The following TMEM117 variants were observed in gnomAD, a reference collection of about 807,000 sequenced individuals.
TMEM117 encodes transmembrane protein 117.
In TMEM117, 27 loss-of-function variants were observed where a neutral mutation model predicts 52.4. The ratio of observed to expected loss-of-function variants is 0.51; its 90% CI spans 0.38 to 0.71. The LOEUF (loss-of-function observed/expected upper bound fraction) is 0.71, where lower values mean the gene tolerates loss of function less well. TMEM117 is among the 30% of genes least tolerant of loss of function. The pLI, the probability that TMEM117 is intolerant of heterozygous loss-of-function variation, is 0.00. For synonymous variants in TMEM117, 215 were observed against 206.3 expected (o/e 1.04, Z -0.36); for missense variants, 556 against 630.5 (o/e 0.88, Z 1.26).
intron 5 of TMEM117, among the ~76,000 whole-genome samples, chr12:44,218,221 C>CAA (rs137994991): frequency 7.2e-6 from 1 of 139,340 alleles, no homozygotes. Context: ...AAGGCTCCGT[C>CAA]AAAAAAAACA....
rs1948761188 is a variant in TMEM117 at position 44,152,580 on chromosome 12, T to TG, written c.510+8956_510+8957insG. On this transcript the variant is annotated intron_variant, in intron 4 of 7. Transcript: ENST00000266534. ...AATATTTATATCATATAAATTTATA[T>TG]ATATAATATTTATATCATATATAAA... is the stretch of plus-strand genomic sequence containing the variant. Among the ~76,000 whole-genome samples, 4 of 123,316 alleles carry TG rather than the reference T, an allele frequency of 3.2e-5. No individual in the cohort carries two copies. The South Asian group carries it at 9.7e-4, about 30-fold the overall frequency. 80.9% of individuals were successfully genotyped at this position (123,316 alleles called of 152,430 possible). A position where few individuals can be genotyped will look rare whatever the true frequency, so the allele number is the denominator to read the frequency against.
chr12:44,114,140 A>T (rs989347054), intron 3 of TMEM117, among the ~76,000 whole-genome samples: 2 of 151,380 alleles, frequency 1.3e-5, no homozygotes, highest in African/African-American at 4.9e-5. Flanking sequence ...CCGGTACCTC[A>T]GATGGAAATG....
At chr12:44,273,442 A>T (rs1950474138) in intron 5 of TMEM117, among the ~76,000 whole-genome samples, 1 of 151,868 alleles carries the variant, frequency 6.6e-6, no homozygotes, top group Non-Finnish European at 1.5e-5. Flanking sequence ...TAGAGGAGGA[A>T]GGAATACTTC....
At chr12:44,325,237 C>T (rs907394603) in intron 6 of TMEM117, among the ~76,000 whole-genome samples, 3 of 152,060 alleles carry the variant, frequency 2.0e-5, no homozygotes, top group African/African-American at 7.2e-5. Flanking sequence ...CCTCAGGGGA[C>T]CTGAGATTTA....
chr12:44,382,964 G>T (rs1027584553), intron 7 of TMEM117, among the ~76,000 whole-genome samples: 4 of 152,182 alleles, frequency 2.6e-5, no homozygotes, highest in African/African-American at 9.7e-5. Flanking sequence ...GGAATGAGGG[G>T]AGATTAGGAT....
chr12:43,843,108 C>T (rs560177015), intron 1 of TMEM117, among the ~76,000 whole-genome samples: 5 of 152,230 alleles, frequency 3.3e-5, no homozygotes, highest in East Asian at 3.9e-4. Flanking sequence ...CAATGATACA[C>T]GCAGACATCC....
chr12:44,213,068 A>G (rs1949668286), intron 5 of TMEM117, among the ~76,000 whole-genome samples: 1 of 152,048 alleles, frequency 6.6e-6, no homozygotes, highest in Admixed American at 6.6e-5. Flanking sequence ...CTTTTTTCCT[A>G]TTTGTAAACT....
At chr12:43,950,882 C>G (rs538757033) in intron 3 of TMEM117, among the ~76,000 whole-genome samples, 5 of 152,240 alleles carry the variant, frequency 3.3e-5, no homozygotes, top group South Asian at 2.1e-4. Context: ...AGAAACAGCT[C>G]GGGTCTGCAG....
chr12:43,924,881 G>T (rs1034483623), intron 2 of TMEM117, among the ~76,000 whole-genome samples: 1 of 152,144 alleles, frequency 6.6e-6, no homozygotes, highest in African/African-American at 2.4e-5. Flanking sequence ...GCTGGTTCTG[G>T]CTTGGGATCT....
chr12:44,387,162 C>T (rs1039639647), intron 7 of TMEM117, among the ~76,000 whole-genome samples: 2 of 151,346 alleles, frequency 1.3e-5, no homozygotes, highest in South Asian at 2.1e-4. Flanking sequence ...TAGTATCACT[C>T]GAAAGTTTTT....
chr12:44,118,554 A>G (rs1030821061), intron 3 of TMEM117, among the ~76,000 whole-genome samples: 2 of 152,218 alleles, frequency 1.3e-5, no homozygotes, highest in Non-Finnish European at 2.9e-5. Context: ...GAATGGCTGG[A>G]TATTACTATG....
chr12:44,248,093 G>T (rs1354017865), intron 5 of TMEM117, among the ~76,000 whole-genome samples: 2 of 152,122 alleles, frequency 1.3e-5, no homozygotes, highest in Non-Finnish European at 2.9e-5. Context: ...CAGTTGGGCG[G>T]GGAGACAGGA....
intron 3 of TMEM117, among the ~76,000 whole-genome samples, chr12:44,006,211 C>A (rs1405988870): frequency 1.3e-5 from 2 of 152,130 alleles, no homozygotes; most frequent in Admixed American, 6.5e-5. Context: ...GAAACAGATA[C>A]CGGGGTGAGG....
At chr12:44,301,715 C>CT (rs1204594724) in intron 6 of TMEM117, among the ~76,000 whole-genome samples, 18 of 151,622 alleles carry the variant, frequency 1.2e-4, no homozygotes, top group East Asian at 3.9e-4. Context: ...TTTGCCTTCT[C>CT]TTTTTTTTTC....
intron 3 of TMEM117, among the ~76,000 whole-genome samples, chr12:44,056,028 A>G (rs547444407): frequency 6.6e-6 from 1 of 152,170 alleles, no homozygotes; most frequent in Admixed American, 6.6e-5. Flanking sequence ...TGGAATTACA[A>G]GTATATAGAT....
intron 3 of TMEM117, among the ~76,000 whole-genome samples, chr12:44,048,271 C>T (rs975488317): frequency 6.6e-6 from 1 of 152,024 alleles, no homozygotes; most frequent in Non-Finnish European, 1.5e-5. Flanking sequence ...AAGGGATTAT[C>T]GATTTTACAA....
chr12:44,223,936 G>A (rs1021470729), intron 5 of TMEM117, among the ~76,000 whole-genome samples: 2 of 152,152 alleles, frequency 1.3e-5, no homozygotes, highest in Non-Finnish European at 2.9e-5. Flanking sequence ...GAATTTCTGG[G>A]ATGTGATCCA....
intron 5 of TMEM117, among the ~76,000 whole-genome samples, chr12:44,215,966 G>A (rs1445003670): frequency 6.6e-6 from 1 of 150,444 alleles, no homozygotes; most frequent in Non-Finnish European, 1.5e-5. Context: ...TATTCAATGA[G>A]ATGCACTGAA....
chr12:43,816,447 A>G, the TMEM117 span, among the ~76,000 whole-genome samples: 2 of 151,388 alleles, frequency 1.3e-5, no homozygotes, highest in East Asian at 3.9e-4. Context: ...ACTACCTATG[A>G]CTTTACTCAC....
Sources: gnomAD v4.1 joint callset for allele counts (sites outside exome capture counted in the v4.1 genomes callset) on GRCh38, gnomAD v4.1.1 for gene constraint, MANE v1.5 for transcripts, NCBI Gene and HGNC (gene_info 2026-07-23, HGNC 2026-07-21) for gene names.